The following PPP1R26 variants were observed in gnomAD, a reference collection of about 807,000 sequenced individuals.
PPP1R26 encodes the protein protein phosphatase 1 regulatory subunit 26, also known as 1A6/DRIM (down-regulated in metastasis) interacting protein.
A neutral mutation model predicts 67.6 loss-of-function variants in PPP1R26; 22 were observed. The observed-to-expected ratio is 0.33, with a 90% CI of 0.23 to 0.46. The LOEUF is 0.46. Ranked by LOEUF, PPP1R26 falls within the 20% of genes least tolerant of loss-of-function variation. The pLI is 1.00. For synonymous variants in PPP1R26, 729 were observed against 717.2 expected (o/e 1.02, Z -0.26); for missense variants, 1,602 against 1,651.4 (o/e 0.97, Z 0.52).
In PPP1R26 at chr9:135,487,705, C is replaced by A. The variant is rs762563733; in HGVS notation, c.3195C>A (p.Gly1065=). The change falls in exon 4 of 4, where the codon GGC becomes GGA. Residue 1065 remains glycine, a synonymous_variant. Coordinates refer to ENST00000356818, the MANE Select transcript of PPP1R26 (RefSeq NM_014811.5). ...GCGAGAGAGACAAGGGGTCCGAGGG[C>A]CCCGCCCGGGGCCTGCCCAGCCTGC... is the stretch of plus-strand genomic sequence containing the variant. ...VGSERDKGSE[G]PARGLPSLPL... 3.6e-5 allele frequency: 52 copies of A among 1,450,646 alleles called. No individual in the cohort carries two copies. The South Asian group carries it at 6.3e-4, about 17-fold the overall frequency. The allele number at this position is 1,450,646 out of a possible 1,614,324, so 89.9% of individuals were successfully genotyped here. A position where few individuals can be genotyped will look rare whatever the true frequency, so the allele number is the denominator to read the frequency against.
At chr9:135,483,775 G>A (rs895396797) in intron 2 of PPP1R26, among the ~76,000 whole-genome samples, 175 bp from the exon 3 acceptor site, 3 of 152,234 alleles carry the variant, frequency 2.0e-5, no homozygotes, top group African/African-American at 7.2e-5. Flanking sequence ...GGACATCACT[G>A]TGTTCAGGGT....
rs914644 is a variant in PPP1R26, at chr9:135,485,547, G to A, written c.1037G>A (p.Arg346Lys). ...GIKRSASAAR[R>K]GKRVMSAAQA... ...AAAAGGAGCGCCAGCGCTGCAAGGA[G>A]GGGAAAGCGAGTCATGAGTGCGGCA... is the stretch of plus-strand genomic sequence containing the variant. Residue 346 changes from arginine to lysine, a missense_variant, in exon 4 of 4, where the codon AGG becomes AAG. Arg to Lys is a conservative substitution (Grantham distance 26). Transcript: ENST00000356818. The surrounding 1 kb of genome is among the most constrained non-coding windows in gnomAD (Gnocchi z 7.2). 4.9e-3 allele frequency: 7,939 copies of A among 1,613,244 alleles called. 310 individuals are homozygous for A. The African/African-American group carries it at 0.091, about 19-fold the overall frequency.
In PPP1R26 at chr9:135,485,798, G is replaced by A; in HGVS notation, c.1288G>A (p.Ala430Thr). ...RKTPSKKKLV[A>T]TKTMDPGPGG... ...AACACCCAGCAAGAAGAAGCTAGTG[G>A]CCACCAAGACCATGGACCCTGGTCC... The change falls in exon 4 of 4, where the codon GCC (alanine) becomes ACC (threonine). Residue 430 changes from alanine to threonine, a missense_variant. Ala to Thr is a moderately conservative substitution (Grantham distance 58). Around this residue, in one of 5 missense-constraint regions of PPP1R26, gnomAD observed 680 missense variants for 726.1 expected, o/e 0.94. Coordinates refer to ENST00000356818, the MANE Select transcript of PPP1R26 (RefSeq NM_014811.5). The surrounding 1 kb of genome is among the most constrained non-coding windows in gnomAD (Gnocchi z 7.2). 6.2e-7 allele frequency: 1 copy of A among 1,612,692 alleles called. No individual in the cohort carries two copies. Among genetic ancestry groups the A allele is most frequent in the Non-Finnish European group, 8.5e-7 (1 of 1,179,994 alleles).
At position 135,485,533 on chromosome 9, in the gene PPP1R26, C is replaced by T; in HGVS notation, c.1023C>T (p.Ala341=). The T allele has an allele frequency of 6.2e-7, 1 of 1,613,244 alleles. No individual in the cohort carries two copies. Among genetic ancestry groups the T allele is most frequent in the Non-Finnish European group, 8.5e-7 (1 of 1,180,032 alleles). The stretch of plus-strand genomic sequence containing the variant: ...ATAAAGGTGGGATCAAAAGGAGCGC[C>T]AGCGCTGCAAGGAGGGGAAAGCGAG... ...AQNKGGIKRS[A]SAARRGKRVM... The change falls in exon 4 of 4, where the codon GCC becomes GCT. Residue 341 remains alanine (A), a synonymous_variant. Coordinates refer to ENST00000356818, the MANE Select transcript of PPP1R26 (RefSeq NM_014811.5). This position sits in a 1 kb window ranked among gnomAD's most constrained non-coding sequence, Gnocchi z 7.2.
chr9:135,483,095 T>C (rs943197922), intron 2 of PPP1R26, among the ~76,000 whole-genome samples: 1 of 148,608 alleles, frequency 6.7e-6, no homozygotes, highest in Non-Finnish European at 1.5e-5. Context: ...GTTCGAGCAA[T>C]TCTCCTGCCT....
At position 135,487,793 on chromosome 9, in the gene PPP1R26, TG is replaced by T. The variant is rs764146060; in HGVS notation, c.3290del (p.Gly1097AlafsTer57). The T allele has an allele frequency of 5.1e-6, 8 of 1,571,108 alleles. No individual in the cohort carries two copies. The highest frequency in any genetic ancestry group is 3.9e-5 in the Admixed American group (2 of 51,924). ...QLFHFGKGVS[W>X]GGRQAGLFSP... Reference sequence around the variant, plus strand: ...CTTCCACTTTGGAAAGGGTGTCTCCTGGGGGGGCAGGCAGGCTGGCCTCTTC... The same window carrying T: ...CTTCCACTTTGGAAAGGGTGTCTCCTGGGGGGCAGGCAGGCTGGCCTCTTC... On this transcript the variant is annotated frameshift_variant, in exon 4 of 4. Coordinates refer to ENST00000356818, the MANE Select transcript of PPP1R26 (RefSeq NM_014811.5). LOFTEE classifies it high-confidence loss of function.
chr9:135,487,952 A>G lies in PPP1R26; in HGVS notation c.3442A>G (p.Lys1148Glu). 1 of 1,594,530 alleles carries G rather than the reference A, an allele frequency of 6.3e-7. No homozygotes were observed. The highest frequency in any genetic ancestry group is 8.5e-7 in the Non-Finnish European group (1 of 1,172,172). Residue 1148 changes from lysine to glutamate, a missense_variant, in exon 4 of 4, where the codon AAG becomes GAG. By Grantham distance (56) the Lys-to-Glu change is moderately conservative. This residue lies in a region of PPP1R26 where 740 missense variants were observed against 696.3 expected (regional missense o/e 1.06). Transcript: ENST00000356818. The stretch of plus-strand genomic sequence containing the variant: ...GGACGGCGGCCCCTGGCCAACCAGG[A>G]AGGCACAGGCAGGGCTGAGTTTGCA... ...KKDGGPWPTR[K>E]AQAGLSLHDR...
upstream of PPP1R26, chr9:135,479,573 C>T (rs1830436868): frequency 6.8e-6 from 1 of 146,048 alleles, no homozygotes; most frequent in Non-Finnish European, 1.5e-5. The surrounding 1 kb of genome is among the most constrained non-coding windows in gnomAD (Gnocchi z 5.9). Flanking sequence ...CGGGGGCGTC[C>T]CCGGGGCGCG....
In PPP1R26 at chr9:135,482,452, C is replaced by T. The variant is rs796994855; in HGVS notation, c.-328-231C>T. On this transcript the variant is annotated intron_variant, in intron 1 of 3. Transcript: ENST00000356818. ...GCCCCATCCCCATCACTTCAGCCAG[C>T]ATCAGATCTGCTGTCCAGGATAGCT... is the stretch of plus-strand genomic sequence containing the variant. Among the ~76,000 whole-genome samples, 4 of 152,360 alleles carry T rather than the reference C, an allele frequency of 2.6e-5. No homozygotes were observed. The South Asian group carries it at 8.3e-4, about 32-fold the overall frequency.
At position 135,485,056 on chromosome 9, in the gene PPP1R26, G is replaced by A. The variant is rs371380941; in HGVS notation, c.546G>A (p.Pro182=). 3.2e-5 allele frequency: 51 copies of A among 1,605,062 alleles called. 1 individual carries two copies. The African/African-American group carries it at 4.5e-4, about 14-fold the overall frequency. Residue 182 remains proline (P), a synonymous_variant, in exon 4 of 4, where the codon CCG becomes CCA. Coordinates refer to ENST00000356818, the MANE Select transcript of PPP1R26 (RefSeq NM_014811.5). The surrounding 1 kb of genome is among the most constrained non-coding windows in gnomAD (Gnocchi z 7.2). ...CKPEPAHGSA[P]TALCPPKLVP... is the part of the protein sequence containing the mutation. ...CGGAACCGGCTCACGGCAGTGCCCC[G>A]ACTGCCCTGTGTCCCCCAAAACTTG... is the stretch of plus-strand genomic sequence containing the variant.
intron 1 of PPP1R26, among the ~76,000 whole-genome samples, chr9:135,481,351 G>T (rs578209891): frequency 1.4e-5 from 2 of 147,888 alleles, no homozygotes; most frequent in African/African-American, 5.0e-5. Flanking sequence ...AGCGATTCTC[G>T]TGCCTCAGCC....
intron 1 of PPP1R26, among the ~76,000 whole-genome samples, chr9:135,481,242 T>TG (rs1234613952): frequency 1.3e-5 from 2 of 149,684 alleles, no homozygotes; most frequent in Non-Finnish European, 1.5e-5. Flanking sequence ...TCTTGTTTTT[T>TG]TTTTTTTTTT....
chr9:135,487,552 G>A lies in PPP1R26; in HGVS notation c.3042G>A (p.Glu1014=), dbSNP rs556736501. The change falls in exon 4 of 4, where the codon GAG becomes GAA. Residue 1014 remains glutamate (E), a synonymous_variant. Transcript: ENST00000356818. ...TCCTGACCCCCAGCCCGGGAGCGGAGAGGGACGCTGGAGCCCAGGCCGACC... is the reference window on the plus strand; with the variant it reads ...TCCTGACCCCCAGCCCGGGAGCGGAAAGGGACGCTGGAGCCCAGGCCGACC... ...PSFLTPSPGA[E]RDAGAQADRT... The A allele has an allele frequency of 1.9e-6, 3 of 1,570,412 alleles. No individual in the cohort carries two copies. The highest frequency in any genetic ancestry group is 1.9e-4 in the Middle Eastern group (1 of 5,252).
At position 135,483,982 on chromosome 9, in the gene PPP1R26, G is replaced by A. The variant is rs1238370530; in HGVS notation, c.-163G>A. The A allele has an allele frequency of 7.5e-6, 3 of 400,504 alleles. No homozygotes were observed. Among genetic ancestry groups the A allele is most frequent in the Admixed American group, 8.6e-5 (2 of 23,152 alleles). The allele number at this position is 400,504 out of a possible 1,614,324, so 24.8% of individuals were successfully genotyped here. ...TCGGTTGGGTCAAGAATGAACCTAC[G>A]CATGACGGCGTGCTGATCCTGGGTT... On this transcript the variant is annotated 5_prime_UTR_variant, in exon 3 of 4. Coordinates refer to ENST00000356818, the MANE Select transcript of PPP1R26 (RefSeq NM_014811.5).
At chr9:135,479,584 G>T, upstream of PPP1R26, 1 of 146,036 alleles carries the variant, frequency 6.8e-6, no homozygotes, top group South Asian at 2.0e-4. The surrounding 1 kb of genome is among the most constrained non-coding windows in gnomAD (Gnocchi z 5.9). Context: ...CCGGGGCGCG[G>T]GCGCGGCGGC....
At chr9:135,484,387 T>G in intron 3 of PPP1R26, 62 bp from the exon 4 acceptor site, 1 of 922,972 alleles carries the variant, frequency 1.1e-6, no homozygotes, top group East Asian at 2.6e-5. Context: ...GGGCCTCGCT[T>G]GGTGTTGGCA....
At chr9:135,479,387 G>T (rs984074482), upstream of PPP1R26, among the ~76,000 whole-genome samples, 2 of 151,704 alleles carry the variant, frequency 1.3e-5, no homozygotes, top group Non-Finnish European at 2.9e-5. This position sits in a 1 kb window ranked among gnomAD's most constrained non-coding sequence, Gnocchi z 5.9. Context: ...GGCTCCGAGC[G>T]CTTTCCCACG....
chr9:135,485,821 T>A lies in PPP1R26; in HGVS notation c.1311T>A (p.Gly437=), dbSNP rs1311767516. The A allele has an allele frequency of 6.2e-7, 1 of 1,612,668 alleles. No individual in the cohort carries two copies. The highest frequency in any genetic ancestry group is 8.5e-7 in the Non-Finnish European group (1 of 1,179,894). Residue 437 remains glycine (G), a synonymous_variant, in exon 4 of 4, where the codon GGT becomes GGA. Transcript: ENST00000356818. This position sits in a 1 kb window ranked among gnomAD's most constrained non-coding sequence, Gnocchi z 7.2. ...TGGCCACCAAGACCATGGACCCTGG[T>A]CCAGGGGGCCTGGACACTGACCATG... The part of the protein sequence containing the change: ...KLVATKTMDP[G]PGGLDTDHAP...
At position 135,486,314 on chromosome 9, in the gene PPP1R26, G is replaced by A. The variant is rs765832384; in HGVS notation, c.1804G>A (p.Val602Met). 6.2e-6 allele frequency: 10 copies of A among 1,612,910 alleles called. No homozygotes were observed. In the South Asian group the frequency reaches 9.9e-5, roughly 16 times the overall value. Residue 602 changes from valine (V) to methionine (M), a missense_variant, in exon 4 of 4, where the codon GTG becomes ATG. Val to Met is a conservative substitution (Grantham distance 21). Around this residue, in one of 5 missense-constraint regions of PPP1R26, gnomAD observed 680 missense variants for 726.1 expected, o/e 0.94. Coordinates refer to ENST00000356818, the MANE Select transcript of PPP1R26 (RefSeq NM_014811.5). This position sits in a 1 kb window ranked among gnomAD's most constrained non-coding sequence, Gnocchi z 6.2. Reference protein sequence around the residue: ...CKRKRRGGGHVRPSTPKKMQE... With the variant: ...CKRKRRGGGHMRPSTPKKMQE... ...AAGGAAGCGTAGAGGTGGTGGCCAT[G>A]TGAGGCCATCCACGCCCAAGAAAAT... is the stretch of plus-strand genomic sequence containing the variant.
Sources: allele counts gnomAD v4.1 joint callset (sites outside exome capture counted in the v4.1 genomes callset), GRCh38; gene constraint gnomAD v4.1.1; regional missense constraint gnomAD v4.1.1; non-coding constraint Gnocchi (gnomAD v3.1); transcripts MANE v1.5; gene names NCBI Gene and HGNC (gene_info 2026-07-23, HGNC 2026-07-21).